SNX24: variants seen among roughly 807,000 people sequenced by gnomAD.
The protein encoded by SNX24 is sorting nexin 24, also known as sorting nexin-24.
A neutral mutation model predicts 28.7 loss-of-function variants in SNX24; 22 were observed. The observed-to-expected ratio is 0.77, with a 90% CI of 0.55 to 1.10. The LOEUF (loss-of-function observed/expected upper bound fraction) is 1.10. Ranked by LOEUF, SNX24 falls within the 50% of genes least tolerant of loss-of-function variation. The pLI is 0.00. For missense variants in SNX24, 221 were observed against 201.1 expected, an observed-to-expected ratio of 1.10 and a Z score of -0.60; for synonymous variants, 69 against 71.5, an observed-to-expected ratio of 0.96 and a Z score of 0.18.
intron 1 of SNX24, among the ~76,000 whole-genome samples, chr5:122,859,920 T>G (rs1346491978): frequency 6.6e-6 from 1 of 152,160 alleles, no homozygotes; most frequent in Non-Finnish European, 1.5e-5. Context: ...AAACCTGGGA[T>G]AGATAAAAAG....
At chr5:122,917,001 G>A (rs569786067) in intron 1 of SNX24, among the ~76,000 whole-genome samples, 2 of 152,304 alleles carry the variant, frequency 1.3e-5, no homozygotes, top group African/African-American at 2.4e-5. Context: ...GGGCGCGGTG[G>A]CTCACGCCTG....
At chr5:122,889,821 G>T (rs562415654) in intron 1 of SNX24, among the ~76,000 whole-genome samples, 2 of 149,754 alleles carry the variant, frequency 1.3e-5, no homozygotes, top group Non-Finnish European at 1.5e-5. Flanking sequence ...ACATAATCAC[G>T]GTAAAATTGT....
chr5:123,013,828 T>C (rs955420501), downstream of SNX24, among the ~76,000 whole-genome samples: 5 of 120,812 alleles, frequency 4.1e-5, no homozygotes, highest in Non-Finnish European at 6.4e-5. Context: ...ATGTCATGTA[T>C]TGTTGGACTA....
intron 3 of SNX24, among the ~76,000 whole-genome samples, chr5:122,981,251 C>A (rs1463031191): frequency 1.3e-5 from 2 of 152,066 alleles, no homozygotes; most frequent in Admixed American, 1.3e-4. Context: ...CAGAAAAAGT[C>A]CTCCCCATTC....
intron 1 of SNX24, among the ~76,000 whole-genome samples, chr5:122,869,920 G>A (rs1398586134): frequency 6.8e-6 from 1 of 146,150 alleles, no homozygotes; most frequent in Non-Finnish European, 1.5e-5. Context: ...TACTGATGTT[G>A]TTTGTACATG....
chr5:122,851,456 CA>C (rs1185629938), intron 1 of SNX24, among the ~76,000 whole-genome samples: 1 of 152,010 alleles, frequency 6.6e-6, no homozygotes, highest in Non-Finnish European at 1.5e-5. Context: ...CATGAGCCAC[CA>C]CACCCAGACT....
chr5:122,856,362 C>A (rs1218901433), intron 1 of SNX24, among the ~76,000 whole-genome samples: 20 of 152,074 alleles, frequency 1.3e-4, no homozygotes, highest in Non-Finnish European at 4.4e-5. Flanking sequence ...ATTTCTTTAT[C>A]CAGTCTACTG....
At chr5:122,902,327 G>C (rs1022463585) in intron 1 of SNX24, among the ~76,000 whole-genome samples, 3 of 152,220 alleles carry the variant, frequency 2.0e-5, no homozygotes, top group Non-Finnish European at 2.9e-5. Flanking sequence ...GATGGCACCA[G>C]GTTCAAGAGG....
intron 1 of SNX24, among the ~76,000 whole-genome samples, chr5:122,874,689 G>T (rs1357279316): frequency 6.6e-6 from 1 of 152,220 alleles, no homozygotes; most frequent in Non-Finnish European, 1.5e-5. Context: ...TTAGAAGGAG[G>T]TTCTTGAGCT....
intron 3 of SNX24, among the ~76,000 whole-genome samples, chr5:122,976,373 A>G (rs1761164116): frequency 6.6e-6 from 1 of 151,778 alleles, no homozygotes; most frequent in South Asian, 2.1e-4. Flanking sequence ...AAGTGTAAGA[A>G]ACCTGTGTTA....
At chr5:122,915,396 C>T (rs1758115185) in intron 1 of SNX24, among the ~76,000 whole-genome samples, 2 of 152,156 alleles carry the variant, frequency 1.3e-5, no homozygotes, top group Non-Finnish European at 2.9e-5. Flanking sequence ...GAGGCTGAGA[C>T]AGGGTGATTG....
chr5:123,002,064 C>T (rs1762267081), intron 6 of SNX24, 60 bp downstream of exon 6: 1 of 1,349,352 alleles, frequency 7.4e-7, no homozygotes, highest in Admixed American at 1.7e-5. Context: ...ACCACATAAA[C>T]CACGTTTTTA....
intron 3 of SNX24, among the ~76,000 whole-genome samples, chr5:122,995,835 A>G (rs941133836): frequency 6.6e-6 from 1 of 152,184 alleles, no homozygotes; most frequent in African/African-American, 2.4e-5. Flanking sequence ...GTCACTGGGT[A>G]ATTAAGTAGA....
At chr5:122,916,378 C>T (rs1368102249) in intron 1 of SNX24, among the ~76,000 whole-genome samples, 4 of 152,216 alleles carry the variant, frequency 2.6e-5, no homozygotes, top group Non-Finnish European at 5.9e-5. Flanking sequence ...TTGGCCCCCT[C>T]TTAAGGTTTA....
In SNX24 at chr5:122,884,251, CTTTTTT is replaced by C. The variant is rs758617172; in HGVS notation, c.60+38573_60+38578del. 3.2e-5 allele frequency among the ~76,000 whole-genome samples: 3 copies of C among 92,754 alleles called. No individual in the cohort carries two copies. In the East Asian group the frequency reaches 9.8e-4, roughly 30 times the overall value. 60.9% of individuals were successfully genotyped at this position (92,754 alleles called of 152,430 possible). A position where few individuals can be genotyped will look rare whatever the true frequency, so the allele number is the denominator to read the frequency against. ...TAATTACCCTCAATTGTTTCTTTTT[CTTTTTT>C]TTTTTTTTTTTTTTCAGACAGAGTC... On this transcript the variant is annotated intron_variant, in intron 1 of 6. Transcript: ENST00000261369.
At chr5:122,936,490 T>A (rs1044930909) in intron 1 of SNX24, among the ~76,000 whole-genome samples, 5 of 152,180 alleles carry the variant, frequency 3.3e-5, no homozygotes, top group African/African-American at 4.8e-5. Flanking sequence ...GGTTTTTTTT[T>A]ATGCATTTAA....
chr5:122,953,652 A>G (rs1004285722), intron 3 of SNX24, among the ~76,000 whole-genome samples: 6 of 152,214 alleles, frequency 3.9e-5, no homozygotes, highest in Non-Finnish European at 7.3e-5. Flanking sequence ...AAACTGGCGT[A>G]ATATTTAGAC....
At chr5:123,015,686 G>A (rs1762667118) in intron 5 of SNX24, among the ~76,000 whole-genome samples, 1 of 151,932 alleles carries the variant, frequency 6.6e-6, no homozygotes, top group Non-Finnish European at 1.5e-5. Flanking sequence ...TAAAGTTTGA[G>A]AACCACAGTC....
chr5:123,004,562 C>T (rs907213035), intron 6 of SNX24, among the ~76,000 whole-genome samples: 6 of 152,186 alleles, frequency 3.9e-5, no homozygotes, highest in East Asian at 1.9e-4. Flanking sequence ...CTGCCTACCA[C>T]GTGTATACAC....
Sources: gnomAD v4.1 joint callset for allele counts (sites outside exome capture counted in the v4.1 genomes callset) on GRCh38, gnomAD v4.1.1 for gene constraint, MANE v1.5 for transcripts, NCBI Gene and HGNC (gene_info 2026-07-23, HGNC 2026-07-21) for gene names.